RYR2: variants seen among roughly 807,000 people sequenced by gnomAD.
RYR2 encodes the protein ryanodine receptor 2.
RYR2 carries 227 observed loss-of-function variants against 601.1 expected under a neutral mutation model. The ratio of observed to expected loss-of-function variants is 0.38; its 90% CI spans 0.34 to 0.42. RYR2 has a LOEUF of 0.42. Among genes scored for constraint, RYR2 ranks in the 10% least tolerant of loss-of-function variants. The pLI is 1.00. For missense variants in RYR2, 4,646 were observed against 6,156.5 expected, an observed-to-expected ratio of 0.75 and a Z score of 8.21; for synonymous variants, 2,223 against 2,175.1, an observed-to-expected ratio of 1.02 and a Z score of -0.61.
Position 237,183,537 on chromosome 1 carries a change from A to C in RYR2, c.49-86960A>C, listed in dbSNP as rs191616907. On this transcript the variant is annotated intron_variant, in intron 1 of 104. Transcript: ENST00000366574. ...GCATGGAACCACTGAGCACCTAATG[A>C]AGGAAAGAGTATTGAAATGGTAATA... 4.6e-5 allele frequency among the ~76,000 whole-genome samples: 7 copies of C among 152,334 alleles called. No individual in the cohort carries two copies. The East Asian group carries it at 1.2e-3, about 25-fold the overall frequency.
chr1:237,172,984 G>A (rs1349189732), intron 1 of RYR2, among the ~76,000 whole-genome samples: 1 of 152,166 alleles, frequency 6.6e-6, no homozygotes, highest in Non-Finnish European at 1.5e-5. Context: ...CAATAAGCCT[G>A]CTAGTATGAG....
intron 88 of RYR2, among the ~76,000 whole-genome samples, chr1:237,779,936 A>T (rs536925373): frequency 7.9e-5 from 12 of 152,310 alleles, no homozygotes; most frequent in African/African-American, 2.6e-4. Flanking sequence ...TGTAAATGTG[A>T]TTAGACCAGC....
chr1:237,332,371 G>C (rs149594652), intron 3 of RYR2, among the ~76,000 whole-genome samples: 72 of 152,184 alleles, frequency 4.7e-4, no homozygotes, highest in Non-Finnish European at 9.0e-4. Context: ...TTTTACAAAA[G>C]CTTAGTATTT....
chr1:237,556,548 A>T (rs1283595497), intron 27 of RYR2, among the ~76,000 whole-genome samples: 1 of 147,486 alleles, frequency 6.8e-6, no homozygotes, highest in African/African-American at 2.5e-5. Flanking sequence ...TGATGTTGTG[A>T]TCCACCCACC....
intron 24 of RYR2, among the ~76,000 whole-genome samples, chr1:237,518,207 C>T (rs1241887012): frequency 6.6e-6 from 1 of 152,068 alleles, no homozygotes; most frequent in African/African-American, 2.4e-5. Flanking sequence ...AATATCCTCC[C>T]AACAGATCCA....
chr1:237,354,473 C>T (rs936004418), intron 3 of RYR2, among the ~76,000 whole-genome samples: 1 of 151,954 alleles, frequency 6.6e-6, no homozygotes, highest in Admixed American at 6.6e-5. Flanking sequence ...ACTAAAATAG[C>T]ACCAAAAATA....
chr1:237,559,621 CTT>C (rs1671257033), intron 27 of RYR2, among the ~76,000 whole-genome samples: 1 of 152,138 alleles, frequency 6.6e-6, no homozygotes, highest in Non-Finnish European at 1.5e-5. Flanking sequence ...AACTTAAAGT[CTT>C]TGTCTAATAA....
At chr1:237,177,390 G>A (rs780040614) in intron 1 of RYR2, among the ~76,000 whole-genome samples, 2 of 152,130 alleles carry the variant, frequency 1.3e-5, no homozygotes, top group African/African-American at 4.8e-5. Flanking sequence ...ACTTTCAGTG[G>A]TTCTCTGTAA....
chr1:237,198,095 A>C (rs2149032598), intron 1 of RYR2, among the ~76,000 whole-genome samples: 1 of 152,344 alleles, frequency 6.6e-6, no homozygotes, highest in Middle Eastern at 3.4e-3. Context: ...CAAGTAGAAC[A>C]TTTCAGAGAG....
chr1:237,221,890 C>A (rs1424672070), intron 1 of RYR2, among the ~76,000 whole-genome samples: 1 of 152,048 alleles, frequency 6.6e-6, no homozygotes, highest in Non-Finnish European at 1.5e-5. Context: ...TAAATGACAT[C>A]ATAGTCTTTC....
intron 1 of RYR2, among the ~76,000 whole-genome samples, chr1:237,193,165 T>TGCAAAAAA (rs1402978522): frequency 3.6e-4 from 1 of 2,750 alleles, no homozygotes; most frequent in African/African-American, 6.2e-4. Flanking sequence ...CTGCTAAAAG[T>TGCAAAAAA]ACAAAAAAAA....
intron 23 of RYR2, among the ~76,000 whole-genome samples, chr1:237,508,800 TG>T (rs746939997): frequency 3.9e-5 from 5 of 129,856 alleles, no homozygotes; most frequent in Non-Finnish European, 7.8e-5. Context: ...TGGAGTGCAG[TG>T]GCGGGATCTC....
At chr1:237,624,125 C>G (rs1411788295) in intron 39 of RYR2, among the ~76,000 whole-genome samples, 1 of 152,100 alleles carries the variant, frequency 6.6e-6, no homozygotes, top group Non-Finnish European at 1.5e-5. Flanking sequence ...TCTTTTTCCT[C>G]TTTCCATTAG....
chr1:237,070,468 C>T (rs1252562541), intron 1 of RYR2, among the ~76,000 whole-genome samples: 1 of 152,182 alleles, frequency 6.6e-6, no homozygotes, highest in African/African-American at 2.4e-5. Context: ...ATTTCTTCTG[C>T]CTCAACCTCC....
In RYR2 at chr1:237,651,455, T is replaced by C. The variant is rs1325051960; in HGVS notation, c.7778T>C (p.Val2593Ala). 4 of 1,594,044 alleles carry C rather than the reference T, an allele frequency of 2.5e-6. No individual in the cohort carries two copies. In the African/African-American group the frequency reaches 5.4e-5, roughly 21 times the overall value. Residue 2593 changes from valine to alanine, a missense_variant, in exon 51 of 105, where the codon GTA (valine) becomes GCA (alanine). Val to Ala is a moderately conservative substitution (Grantham distance 64). Coordinates refer to ENST00000366574, the MANE Select transcript of RYR2 (RefSeq NM_001035.3). ...SMMQHLLRRL[V>A]FDVPLLNEHA... ...ATGCAGCACTTACTCAGAAGATTAG[T>C]ATTTGATGTTCCATTATTAAATGAA...
chr1:237,166,007 T>A (rs866180530), intron 1 of RYR2, among the ~76,000 whole-genome samples: 24 of 152,132 alleles, frequency 1.6e-4, no homozygotes, highest in Middle Eastern at 6.8e-3. Context: ...AAAAATTTTT[T>A]AAAAATCCAA....
chr1:237,547,291 C>T (rs1413080362), intron 25 of RYR2, among the ~76,000 whole-genome samples: 1 of 152,114 alleles, frequency 6.6e-6, no homozygotes, highest in African/African-American at 2.4e-5. Flanking sequence ...CAGGTGTGAG[C>T]CACTGTGCCC....
chr1:237,511,848 A>AAAAAC, intron 24 of RYR2, 57 bp downstream of exon 24: 1 of 1,023,060 alleles, frequency 9.8e-7, no homozygotes, highest in Non-Finnish European at 1.4e-6. Context: ...AAAAAAAAAA[A>AAAAAC]AAAAAAAAAA....
At chr1:237,248,758 C>T (rs904439122) in intron 1 of RYR2, among the ~76,000 whole-genome samples, 8 of 115,260 alleles carry the variant, frequency 6.9e-5, no homozygotes, top group African/African-American at 2.2e-4. Flanking sequence ...AATGAATGTA[C>T]ATTTTTTTTT....
Sources: gnomAD v4.1 joint callset for allele counts (sites outside exome capture counted in the v4.1 genomes callset) on GRCh38, gnomAD v4.1.1 for gene constraint, MANE v1.5 for transcripts, NCBI Gene and HGNC (gene_info 2026-07-23, HGNC 2026-07-21) for gene names.